The following PRPF6 variants were observed in gnomAD, a reference collection of about 807,000 sequenced individuals.
PRPF6 encodes the protein pre-mRNA processing factor 6, also known as pre-mRNA-processing factor 6.
Under a neutral mutation model 118.3 loss-of-function variants are expected in PRPF6, and 42 were observed. The observed-to-expected ratio is 0.35, with a 90% confidence interval of 0.28 to 0.46. The LOEUF is 0.46. Ranked by LOEUF, PRPF6 falls within the 20% of genes least tolerant of loss-of-function variation. PRPF6 has a pLI of 1.00. For missense variants in PRPF6, 662 were observed against 1,255.7 expected (o/e 0.53, Z 7.15); for synonymous variants, 481 against 485.1 (o/e 0.99, Z 0.11).
intron 11 of PRPF6, among the ~76,000 whole-genome samples, chr20:64,013,512 T>C (rs929413143): frequency 6.6e-6 from 1 of 152,148 alleles, no homozygotes; most frequent in Admixed American, 6.6e-5. Flanking sequence ...AGTGGTGCAG[T>C]CATGGCTCAC....
At chr20:63,984,028 C>T (rs2059082991) in intron 2 of PRPF6, among the ~76,000 whole-genome samples, 1 of 152,142 alleles carries the variant, frequency 6.6e-6, no homozygotes, top group Non-Finnish European at 1.5e-5. Context: ...TGATTGCCCT[C>T]TAAACAGACA....
chr20:63,995,008 G>A lies in PRPF6; in HGVS notation c.531G>A (p.Glu177=), dbSNP rs779937961. The change falls in exon 5 of 21, where the codon GAG becomes GAA. Residue 177 remains glutamate (E), a synonymous_variant. Transcript: ENST00000266079. ...AACGTCAGCGGAACCCACGCTATGA[G>A]AAGCTGACCCCTGTTCCTGACAGTT... The part of the protein sequence containing the change: ...RNKRQRNPRY[E]KLTPVPDSFF... 1.2e-6 allele frequency: 2 copies of A among 1,614,080 alleles called. No homozygotes were observed. The highest frequency in any genetic ancestry group is 2.2e-5 in the East Asian group (1 of 44,902).
chr20:64,022,554 C>T (rs1248608133), intron 12 of PRPF6, among the ~76,000 whole-genome samples: 2 of 152,144 alleles, frequency 1.3e-5, no homozygotes, highest in African/African-American at 4.8e-5. Flanking sequence ...ATGATCCACC[C>T]GCCTCGGCCT....
rs1489557085 is a variant in PRPF6 at position 64,006,084 on chromosome 20, T to A, written c.1187-4116T>A. Among the ~76,000 whole-genome samples, 3 of 152,152 alleles carry A rather than the reference T, an allele frequency of 2.0e-5. No individual in the cohort carries two copies. In the East Asian group the frequency reaches 5.8e-4, roughly 29 times the overall value. On this transcript the variant is annotated intron_variant, in intron 9 of 20. Coordinates refer to ENST00000266079, the MANE Select transcript of PRPF6 (RefSeq NM_012469.4). ...GGGTCTGACTTGTTGGTAGTTTTGC[T>A]TTTTTGGTGGCTGTAGTTCCCATTA...
At position 64,027,155 on chromosome 20, in the gene PRPF6, G is replaced by C. The variant is rs748750130; in HGVS notation, c.2202G>C (p.Gln734His). 2 of 1,613,228 alleles carry C rather than the reference G, an allele frequency of 1.2e-6. No homozygotes were observed. Among genetic ancestry groups the C allele is most frequent in the South Asian group, 1.1e-5 (1 of 91,052 alleles). ...MMEKAREAYN[Q>H]GLKKCPHSTP... ...AGAAGGCGCGGGAAGCCTATAACCA[G>C]GGGGTACGTCTCTGCCTGCACCCTG... The change falls in exon 16 of 21, where the codon CAG becomes CAC. Residue 734 changes from glutamine (Q) to histidine (H), a missense_variant. This residue lies in a region of PRPF6 where 244 missense variants were observed against 383.7 expected (regional missense o/e 0.64). Coordinates refer to ENST00000266079, the MANE Select transcript of PRPF6 (RefSeq NM_012469.4). The surrounding 1 kb of genome is among the most constrained non-coding windows in gnomAD (Gnocchi z 6.5).
intron 13 of PRPF6, 68 bp downstream of exon 13, chr20:64,022,946 A>C (rs2059273117): frequency 1.2e-6 from 2 of 1,609,768 alleles, no homozygotes; most frequent in Non-Finnish European, 1.7e-6. Flanking sequence ...GTAGCCCTGA[A>C]TTTAAACCTC....
chr20:63,999,630 C>G lies in PRPF6; in HGVS notation c.894C>G (p.Leu298=). 6.2e-7 allele frequency: 1 copy of G among 1,614,204 alleles called. No individual in the cohort carries two copies. The highest frequency in any genetic ancestry group is 8.5e-7 in the Non-Finnish European group (1 of 1,180,050). Residue 298 remains leucine (L), a synonymous_variant, in exon 8 of 21, where the codon CTC becomes CTG. Coordinates refer to ENST00000266079, the MANE Select transcript of PRPF6 (RefSeq NM_012469.4). The part of the protein sequence containing the change: ...INDIKKARLL[L]KSVRETNPHH... Reference sequence around the variant, plus strand: ...ATATCAAGAAGGCGCGACTGCTCCTCAAGTCTGTTCGGGAGACGAACCCTC... The same window carrying G: ...ATATCAAGAAGGCGCGACTGCTCCTGAAGTCTGTTCGGGAGACGAACCCTC...
intron 11 of PRPF6, among the ~76,000 whole-genome samples, chr20:64,014,097 C>T (rs554247082): frequency 1.3e-5 from 2 of 152,160 alleles, no homozygotes; most frequent in African/African-American, 2.4e-5. Context: ...GCCACCACAC[C>T]TGGCTAATTT....
chr20:64,030,349 C>T (rs959031433), intron 19 of PRPF6, among the ~76,000 whole-genome samples: 5 of 152,184 alleles, frequency 3.3e-5, no homozygotes, highest in East Asian at 3.8e-4. Flanking sequence ...CTCCTGTGTC[C>T]GGCTTCCCCT....
At chr20:63,984,834 G>A (rs2059086515) in intron 2 of PRPF6, 73 bp from the exon 3 acceptor site, 1 of 1,069,740 alleles carries the variant, frequency 9.3e-7, no homozygotes, top group Non-Finnish European at 1.4e-6. Context: ...TTCACAAGTA[G>A]AGATCTCCGT....
chr20:64,032,196 G>C, intron 20 of PRPF6, 152 bp downstream of exon 20: 1 of 1,230,738 alleles, frequency 8.1e-7, no homozygotes, highest in Non-Finnish European at 1.2e-6. Flanking sequence ...CAGAATCCTC[G>C]ACACCTCCCC....
rs2059295296 is a variant in PRPF6, at chr20:64,027,267, G to T, written c.2205+109G>T. 1 of 1,408,240 alleles carries T rather than the reference G, an allele frequency of 7.1e-7. No individual in the cohort carries two copies. Among genetic ancestry groups the T allele is most frequent in the South Asian group, 1.2e-5 (1 of 82,288 alleles). 87.2% of individuals were successfully genotyped at this position (1,408,240 alleles called of 1,614,324 possible). ...GCCTCTGAGGAGATGTGGAGGGCTG[G>T]GGGTTACAGCTGATGGAGCTGCAGA... On this transcript the variant is annotated intron_variant, in intron 16 of 20. Transcript: ENST00000266079. The surrounding 1 kb of genome is among the most constrained non-coding windows in gnomAD (Gnocchi z 6.5).
chr20:63,981,652 C>G (rs181405610), intron 1 of PRPF6, among the ~76,000 whole-genome samples: 9 of 143,808 alleles, frequency 6.3e-5, no homozygotes, highest in African/African-American at 1.8e-4. Context: ...CTCCCCCCCC[C>G]CGCCCGCCCG....
At position 64,032,832 on chromosome 20, in the gene PRPF6, TC is replaced by T. The variant is rs754480432; in HGVS notation, c.2674-3del. 1.2e-5 allele frequency: 20 copies of T among 1,603,660 alleles called. No individual in the cohort carries two copies. In the East Asian group the frequency reaches 3.6e-4, roughly 29 times the overall value. The stretch of plus-strand genomic sequence containing the variant: ...GACCCCTGCCTGACGTGCCCTGTGG[TC>T]CCCCCAGGAGCAGCAGGAGGAGGTG... On this transcript the variant is annotated splice_region_variant and splice_polypyrimidine_tract_variant and intron_variant, in intron 20 of 20. Coordinates refer to ENST00000266079, the MANE Select transcript of PRPF6 (RefSeq NM_012469.4).
At chr20:64,000,715 C>T (rs2059162904) in intron 8 of PRPF6, among the ~76,000 whole-genome samples, 1 of 151,980 alleles carries the variant, frequency 6.6e-6, no homozygotes, top group Non-Finnish European at 1.5e-5. Context: ...ATTATAGGCA[C>T]CTGCCACCAC....
chr20:64,017,370 C>T (rs542251800), intron 12 of PRPF6, among the ~76,000 whole-genome samples: 2 of 144,772 alleles, frequency 1.4e-5, no homozygotes, highest in South Asian at 2.2e-4. Flanking sequence ...CCACCGCGCC[C>T]GGCCTCCCAG....
At chr20:63,995,692 T>C (rs368055198) in intron 6 of PRPF6, among the ~76,000 whole-genome samples, 1 of 151,712 alleles carries the variant, frequency 6.6e-6, no homozygotes, top group East Asian at 1.9e-4. Context: ...TCTTGCTGTG[T>C]CACTCAGAGG....
chr20:64,005,642 A>G (rs919252388), intron 9 of PRPF6, among the ~76,000 whole-genome samples: 1 of 152,104 alleles, frequency 6.6e-6, no homozygotes, highest in Non-Finnish European at 1.5e-5. Context: ...CAGTGTTGCA[A>G]TCAGCTCACT....
At chr20:64,001,376 G>A in intron 9 of PRPF6, 137 bp downstream of exon 9, 1 of 1,072,774 alleles carries the variant, frequency 9.3e-7, no homozygotes, top group Non-Finnish European at 1.4e-6. Flanking sequence ...CTCAGGCTGG[G>A]TTGCCTCTGC....
Sources: allele counts gnomAD v4.1 joint callset (sites outside exome capture counted in the v4.1 genomes callset), GRCh38; gene constraint gnomAD v4.1.1; regional missense constraint gnomAD v4.1.1; non-coding constraint Gnocchi (gnomAD v3.1); transcripts MANE v1.5; gene names NCBI Gene and HGNC (gene_info 2026-07-23, HGNC 2026-07-21).